Variants in BAHCC1 observed in about 807,000 individuals in gnomAD.
The protein encoded by BAHCC1 is BAH and coiled-coil domain-containing protein 1.
A neutral mutation model predicts 88.2 loss-of-function variants in BAHCC1; 43 were observed. That is an observed-to-expected ratio of 0.49 (90% confidence interval 0.38 to 0.63). BAHCC1 has a LOEUF of 0.63. Among genes scored for constraint, BAHCC1 ranks in the 20% least tolerant of loss-of-function variants. The pLI, the probability that BAHCC1 is intolerant of heterozygous loss-of-function variation, is 0.00. For missense variants in BAHCC1, 3,023 were observed against 1,654.8 expected (o/e 1.83, Z -14.34); for synonymous variants, 1,510 against 745.5 (o/e 2.03, Z -16.71).
chr17:81,456,730 T>C (rs1555657409), intron 16 of BAHCC1, 145 bp downstream of exon 16: 3 of 576,990 alleles, frequency 5.2e-6, no homozygotes, highest in Non-Finnish European at 6.1e-6. Context: ...ACGTTTTCAC[T>C]GAACAGGCTG....
intron 3 of BAHCC1, among the ~76,000 whole-genome samples, chr17:81,428,305 C>G (rs1442605028): frequency 6.6e-6 from 1 of 152,230 alleles, no homozygotes; most frequent in African/African-American, 2.4e-5. Flanking sequence ...ACGCCCCGGC[C>G]AGCCACAGCA....
intron 14 of BAHCC1, 51 bp from the exon 15 acceptor site, chr17:81,455,216 T>C (rs2064724808): frequency 1.4e-6 from 1 of 700,312 alleles, no homozygotes; most frequent in African/African-American, 1.8e-5. Context: ...GGGACAAGGC[T>C]GGGGCGGCCG....
intron 2 of BAHCC1, among the ~76,000 whole-genome samples, chr17:81,419,039 A>G (rs1410157899): frequency 6.6e-6 from 1 of 152,038 alleles, no homozygotes; most frequent in African/African-American, 2.4e-5. Flanking sequence ...ACCACTAGTG[A>G]TTGCAGCCAG....
chr17:81,426,412 G>T (rs1184348374), intron 2 of BAHCC1, among the ~76,000 whole-genome samples: 1 of 49,406 alleles, frequency 2.0e-5, no homozygotes, highest in Non-Finnish European at 4.5e-5. Context: ...GGGTGATGTG[G>T]TTGGGGGTGA....
intron 2 of BAHCC1, among the ~76,000 whole-genome samples, chr17:81,417,019 T>G (rs2064041082): frequency 6.6e-6 from 1 of 152,134 alleles, no homozygotes. Flanking sequence ...AGACTGGACA[T>G]GTCCAGGGTC....
chr17:81,462,515 C>T, intron 26 of BAHCC1: 1 of 569,356 alleles, frequency 1.8e-6, no homozygotes, highest in Non-Finnish European at 3.1e-6. Context: ...GTCCAGACGT[C>T]ATGATTCCAT....
intron 2 of BAHCC1, among the ~76,000 whole-genome samples, chr17:81,422,238 C>T (rs1555649679): frequency 6.6e-6 from 1 of 152,222 alleles, no homozygotes; most frequent in African/African-American, 2.4e-5. Flanking sequence ...TCTTGAACTC[C>T]TCACCTCAAG....
chr17:81,459,349 C>T, intron 22 of BAHCC1, 21 bp downstream of exon 22: 1 of 774,396 alleles, frequency 1.3e-6, no homozygotes, highest in East Asian at 2.4e-5. Context: ...GGCCGGCCCG[C>T]CCCGGGGAGG....
At position 81,444,542 on chromosome 17, in the gene BAHCC1, C is replaced by G; in HGVS notation, c.2486C>G (p.Ser829Cys). 1 of 714,336 alleles carries G rather than the reference C, an allele frequency of 1.4e-6. No individual in the cohort carries two copies. The highest frequency in any genetic ancestry group is 2.6e-6 in the Non-Finnish European group (1 of 390,680). The allele number at this position is 714,336 out of a possible 1,614,324, so 44.2% of individuals were successfully genotyped here. A position where few individuals can be genotyped will look rare whatever the true frequency, so the allele number is the denominator to read the frequency against. The change falls in exon 7 of 28, where the codon TCC becomes TGC. Residue 829 changes from serine (S) to cysteine (C), a missense_variant. Coordinates refer to ENST00000675386, the MANE Select transcript of BAHCC1 (RefSeq NM_001377448.1). ...PPWLPRTRSP[S>C]LWMGGHSYGL... ...TGGCTGCCCCGCACCCGCAGCCCCTCCCTGTGGATGGGGGGGCACTCCTAC... is the reference window on the plus strand; with the variant it reads ...TGGCTGCCCCGCACCCGCAGCCCCTGCCTGTGGATGGGGGGGCACTCCTAC...
Position 81,442,634 on chromosome 17 carries a change from A to G in BAHCC1, c.1285A>G (p.Met429Val). The change falls in exon 5 of 28, where the codon ATG becomes GTG. Residue 429 changes from methionine (M) to valine (V), a missense_variant. By Grantham distance (21) the Met-to-Val change is conservative. Transcript: ENST00000675386. Reference sequence around the variant, plus strand: ...CAAGGACCGGCACCTGGAGGGAACCATGGCCCCCGACCACGCTGCACCCTA... The same window carrying G: ...CAAGGACCGGCACCTGGAGGGAACCGTGGCCCCCGACCACGCTGCACCCTA... Reference protein sequence around the residue: ...EGKDRHLEGTMAPDHAAPYGV... With the variant: ...EGKDRHLEGTVAPDHAAPYGV... 2.6e-6 allele frequency: 2 copies of G among 776,452 alleles called. No individual in the cohort carries two copies. Among genetic ancestry groups the G allele is most frequent in the Non-Finnish European group, 4.8e-6 (2 of 416,564 alleles). 48.1% of individuals were successfully genotyped at this position (776,452 alleles called of 1,614,324 possible).
chr17:81,410,844 G>A (rs1354634941), intron 2 of BAHCC1, among the ~76,000 whole-genome samples: 1 of 152,080 alleles, frequency 6.6e-6, no homozygotes, highest in African/African-American at 2.4e-5. Flanking sequence ...GGCGGGGGTG[G>A]GGGCTCTCTG....
chr17:81,459,695 C>T (rs113244161), intron 23 of BAHCC1, 91 bp downstream of exon 23: 25 of 711,084 alleles, frequency 3.5e-5, no homozygotes, highest in Non-Finnish European at 5.0e-5. Context: ...CCGAGGCTGG[C>T]GAGGGCAGAA....
At position 81,447,523 on chromosome 17, in the gene BAHCC1, G is replaced by A. The variant is rs782759223; in HGVS notation, c.3651G>A (p.Gly1217=). The change falls in exon 11 of 28, where the codon GGG becomes GGA. Residue 1217 remains glycine (G), a synonymous_variant. Coordinates refer to ENST00000675386, the MANE Select transcript of BAHCC1 (RefSeq NM_001377448.1). ...AGSPGALEDE[G]EQPAPEEDEL... ...GTCCGGGTGCCCTTGAGGACGAGGG[G>A]GAGCAGCCGGCCCCTGAGGAGGACG... 3 of 752,334 alleles carry A rather than the reference G, an allele frequency of 4.0e-6. No individual in the cohort carries two copies. Among genetic ancestry groups the A allele is most frequent in the Non-Finnish European group, 7.4e-6 (3 of 404,696 alleles). 46.6% of individuals were successfully genotyped at this position (752,334 alleles called of 1,614,324 possible).
chr17:81,454,789 GGGC>G (rs1555656825), intron 14 of BAHCC1, among the ~76,000 whole-genome samples: 2 of 152,128 alleles, frequency 1.3e-5, no homozygotes, highest in Non-Finnish European at 2.9e-5. Flanking sequence ...GCCAAGGCTG[GGGC>G]TGCAGCCCCA....
chr17:81,402,862 T>C (rs1177956637), intron 2 of BAHCC1: 1 of 152,236 alleles, frequency 6.6e-6, no homozygotes, highest in African/African-American at 2.4e-5. Context: ...GCTTCTTCCA[T>C]TGTTTTTCTA....
chr17:81,422,714 C>G (rs2064129745), intron 2 of BAHCC1: 3 of 400,940 alleles, frequency 7.5e-6, no homozygotes, highest in Non-Finnish European at 1.5e-5. Flanking sequence ...TGGGAGAGCT[C>G]AAGGTACAGG....
At chr17:81,445,737 C>G in intron 10 of BAHCC1, 56 bp downstream of exon 10, 1 of 697,444 alleles carries the variant, frequency 1.4e-6, no homozygotes, top group Non-Finnish European at 2.7e-6. Flanking sequence ...CCTCCCACCC[C>G]TGCCCGGCAG....
intron 2 of BAHCC1, among the ~76,000 whole-genome samples, chr17:81,400,283 G>C (rs1180420755): frequency 1.3e-5 from 2 of 152,236 alleles, no homozygotes; most frequent in Non-Finnish European, 2.9e-5. Context: ...CCGGGGCTGG[G>C]ACAACGAGGC....
intron 13 of BAHCC1, 90 bp downstream of exon 13, chr17:81,452,197 G>T: frequency 3.7e-6 from 2 of 539,214 alleles, no homozygotes; most frequent in Non-Finnish European, 3.2e-6. Context: ...TGTGGGAACA[G>T]GCCAGGATTG....
Sources: gnomAD v4.1 joint callset for allele counts (sites outside exome capture counted in the v4.1 genomes callset) on GRCh38, gnomAD v4.1.1 for gene constraint, MANE v1.5 for transcripts, NCBI Gene and HGNC (gene_info 2026-07-23, HGNC 2026-07-21) for gene names.